Variants in FSTL4 observed in about 807,000 individuals in gnomAD.
FSTL4 encodes follistatin-related protein 4.
A neutral mutation model predicts 78.2 loss-of-function variants in FSTL4; 28 were observed. The observed-to-expected ratio is 0.36, with a 90% confidence interval of 0.27 to 0.49. FSTL4 has a LOEUF of 0.49. Ranked by LOEUF, FSTL4 falls within the 20% of genes least tolerant of loss-of-function variation. FSTL4 has a pLI of 0.98. For missense variants in FSTL4, 922 were observed against 1,084.9 expected (o/e 0.85, Z 2.11); for synonymous variants, 422 against 440.5 (o/e 0.96, Z 0.53).
At chr5:133,480,686 T>TC (rs1024252947) in intron 3 of FSTL4, among the ~76,000 whole-genome samples, 9 of 151,992 alleles carry the variant, frequency 5.9e-5, no homozygotes, top group African/African-American at 2.2e-4. Context: ...CACTGTATTC[T>TC]CCCCAGCGAG....
At chr5:133,449,031 A>ATC (rs1757328491) in intron 3 of FSTL4, among the ~76,000 whole-genome samples, 1 of 152,058 alleles carries the variant, frequency 6.6e-6, no homozygotes, top group South Asian at 2.1e-4. Context: ...ATATATATAT[A>ATC]TTATATAGAC....
At chr5:133,424,267 C>T (rs1420125758) in intron 3 of FSTL4, among the ~76,000 whole-genome samples, 5 of 152,174 alleles carry the variant, frequency 3.3e-5, no homozygotes, top group African/African-American at 7.2e-5. Flanking sequence ...CACCCAGACC[C>T]GTGAACAGTG....
intron 4 of FSTL4, among the ~76,000 whole-genome samples, chr5:133,391,750 C>T (rs1467272051): frequency 1.3e-5 from 2 of 152,160 alleles, no homozygotes; most frequent in South Asian, 2.1e-4. Flanking sequence ...ATACTCTTCC[C>T]CCAGATATTC....
At chr5:133,269,292 C>A (rs546208005) in intron 6 of FSTL4, among the ~76,000 whole-genome samples, 1 of 151,950 alleles carries the variant, frequency 6.6e-6, no homozygotes, top group African/African-American at 2.4e-5. Flanking sequence ...GGAGTCTGAT[C>A]CCAGGTCACA....
At position 133,567,194 on chromosome 5, in the gene FSTL4, C is replaced by T; in HGVS notation, c.152G>A (p.Arg51Lys). Residue 51 changes from arginine (R) to lysine (K), a missense_variant, in exon 3 of 16, where the codon AGA (arginine) becomes AAA (lysine). Physicochemically the swap from Arg to Lys is conservative, Grantham distance 26. Coordinates refer to ENST00000265342, the MANE Select transcript of FSTL4 (RefSeq NM_015082.2). The stretch of plus-strand genomic sequence containing the variant: ...GAGTGCATTTTTCCTACCTTCTCTT[C>T]TTGTGACTTCAAAGCTTCTGGGCTC... Reference protein sequence around the residue: ...AEEPRSFEVTRREGLSSHNEL... With the variant: ...AEEPRSFEVTKREGLSSHNEL... 6.2e-7 allele frequency: 1 copy of T among 1,608,908 alleles called. No homozygotes were observed.
chr5:133,337,833 A>G (rs928091151), intron 4 of FSTL4, among the ~76,000 whole-genome samples: 2 of 152,234 alleles, frequency 1.3e-5, no homozygotes, highest in Non-Finnish European at 2.9e-5. Context: ...CATCTTTTAA[A>G]AAGTGAGCCA....
chr5:133,446,052 T>G (rs1171002073), intron 3 of FSTL4, among the ~76,000 whole-genome samples: 2 of 152,166 alleles, frequency 1.3e-5, no homozygotes, highest in Non-Finnish European at 2.9e-5. Flanking sequence ...GGTATAAAAA[T>G]GATGGCAGTC....
the FSTL4 span, among the ~76,000 whole-genome samples, chr5:133,665,575 G>A: frequency 6.6e-6 from 1 of 152,276 alleles, no homozygotes; most frequent in East Asian, 1.9e-4. Context: ...GCCTTGACCT[G>A]TCACCCTGGT....
the FSTL4 span, among the ~76,000 whole-genome samples, chr5:133,623,951 A>G: frequency 6.6e-6 from 1 of 152,032 alleles, no homozygotes; most frequent in Non-Finnish European, 1.5e-5. Flanking sequence ...TTTTAAAGGA[A>G]AATAACAAGT....
chr5:133,233,640 T>A (rs1476128099), intron 7 of FSTL4, 103 bp from the exon 8 acceptor site: 2 of 1,403,398 alleles, frequency 1.4e-6, no homozygotes, highest in Non-Finnish European at 9.9e-7. Context: ...TGGGAGAGAG[T>A]TCCTTTCTGC....
At chr5:133,783,053 C>T in the FSTL4 span, among the ~76,000 whole-genome samples, 7 of 152,304 alleles carry the variant, frequency 4.6e-5, no homozygotes, top group Admixed American at 6.5e-5. Flanking sequence ...ACACATAAAA[C>T]GCTACAAAGT....
chr5:133,671,638 C>T, the FSTL4 span, among the ~76,000 whole-genome samples: 3 of 152,356 alleles, frequency 2.0e-5, no homozygotes, highest in South Asian at 2.1e-4. Context: ...GATGCATCCA[C>T]TCTACTGCTG....
At chr5:133,472,025 G>A (rs1467406069) in intron 3 of FSTL4, among the ~76,000 whole-genome samples, 4 of 152,098 alleles carry the variant, frequency 2.6e-5, no homozygotes, top group Non-Finnish European at 4.4e-5. Context: ...TGTCCATAGT[G>A]ACCTTGGGGG....
At chr5:133,425,965 C>T (rs7737869) in intron 3 of FSTL4, among the ~76,000 whole-genome samples, 2,204 of 152,312 alleles carry the variant, frequency 0.014, 51 homozygotes, top group African/African-American at 0.05. Context: ...GCAGGAATGA[C>T]GTGGGGGGCT....
the FSTL4 span, among the ~76,000 whole-genome samples, chr5:133,698,639 C>T: frequency 2.0e-5 from 3 of 152,260 alleles, no homozygotes; most frequent in Admixed American, 6.5e-5. Flanking sequence ...ATGCGTGTAA[C>T]GTGCTTGGCA....
chr5:133,416,032 A>C (rs1756576296), intron 3 of FSTL4, among the ~76,000 whole-genome samples: 3 of 152,260 alleles, frequency 2.0e-5, no homozygotes, highest in Admixed American at 2.0e-4. Context: ...TAACGCTCAC[A>C]TCTTTGCTTC....
chr5:133,578,086 A>C (rs756911442), intron 2 of FSTL4, among the ~76,000 whole-genome samples: 1 of 152,338 alleles, frequency 6.6e-6, no homozygotes, highest in African/African-American at 2.4e-5. Flanking sequence ...TAAGCCAGAG[A>C]GTTTAAAGGG....
At chr5:133,508,122 G>A (rs1022673837) in intron 3 of FSTL4, among the ~76,000 whole-genome samples, 4 of 152,094 alleles carry the variant, frequency 2.6e-5, no homozygotes, top group Non-Finnish European at 5.9e-5. Context: ...AAGTCTCTTT[G>A]CACCTCACTT....
At chr5:133,444,223 TAGGCA>T in intron 3 of FSTL4, among the ~76,000 whole-genome samples, 1 of 152,148 alleles carries the variant, frequency 6.6e-6, no homozygotes, top group African/African-American at 2.4e-5. Flanking sequence ...GACAGATAGG[TAGGCA>T]CCTTCTTGCC....
Sources: allele counts gnomAD v4.1 joint callset (sites outside exome capture counted in the v4.1 genomes callset), GRCh38; gene constraint gnomAD v4.1.1; transcripts MANE v1.5; gene names NCBI Gene and HGNC (gene_info 2026-07-23, HGNC 2026-07-21).